SBF2: variants seen among roughly 807,000 people sequenced by gnomAD.
The protein encoded by SBF2 is myotubularin-related protein 13.
In SBF2, 112 loss-of-function variants were observed where a neutral mutation model predicts 225.2. The observed-to-expected ratio is 0.50, with a 90% CI of 0.43 to 0.58. The LOEUF (loss-of-function observed/expected upper bound fraction) is 0.58, where lower values mean the gene tolerates loss of function less well. Ranked by LOEUF, SBF2 falls within the 20% of genes least tolerant of loss-of-function variation. SBF2 has a pLI of 0.00. For missense variants in SBF2, 1,996 were observed against 2,206.2 expected (o/e 0.90, Z 1.91); for synonymous variants, 763 against 773.3 (o/e 0.99, Z 0.22).
At chr11:10,193,547 G>A (rs375510052) in intron 2 of SBF2, among the ~76,000 whole-genome samples, 4 of 151,826 alleles carry the variant, frequency 2.6e-5, no homozygotes, top group African/African-American at 4.8e-5. Context: ...TAGAGACAGC[G>A]TTTCACCGTG....
At chr11:10,175,260 G>C (rs1348731158) in intron 2 of SBF2, among the ~76,000 whole-genome samples, 1 of 151,676 alleles carries the variant, frequency 6.6e-6, no homozygotes, top group Non-Finnish European at 1.5e-5. Flanking sequence ...CTGTATTCAG[G>C]AAACCCATCT....
intron 21 of SBF2, 91 bp from the exon 22 acceptor site, chr11:9,850,309 A>G: frequency 6.1e-6 from 7 of 1,153,614 alleles, no homozygotes; most frequent in Non-Finnish European, 8.9e-6. Flanking sequence ...AGCCTAGAAT[A>G]CAGTAGTGCA....
intron 2 of SBF2, among the ~76,000 whole-genome samples, chr11:10,172,605 G>A (rs138546576): frequency 0.056 from 8,514 of 152,164 alleles, 372 homozygotes; most frequent in Non-Finnish European, 0.078. Context: ...CACCGGCCTC[G>A]GCCTCCCGAA....
At chr11:10,304,274 A>C (rs1340030181) in intron 1 of SBF2, among the ~76,000 whole-genome samples, 2 of 152,224 alleles carry the variant, frequency 1.3e-5, no homozygotes, top group Non-Finnish European at 2.9e-5. Context: ...TTTACGATGG[A>C]TTAATGAAGG....
chr11:10,022,290 T>C (rs1262190732), intron 6 of SBF2, among the ~76,000 whole-genome samples: 1 of 152,140 alleles, frequency 6.6e-6, no homozygotes, highest in African/African-American at 2.4e-5. Context: ...CCTGAAGATA[T>C]TCCAGAATCA....
chr11:9,808,568 A>C (rs1590131721), intron 31 of SBF2: 1 of 409,210 alleles, frequency 2.4e-6, no homozygotes, highest in East Asian at 5.7e-5. Context: ...GAGTGAGTTA[A>C]GGCGGGGCTT....
chr11:9,834,918 A>ACCAT (rs1855640194), intron 26 of SBF2, among the ~76,000 whole-genome samples: 1 of 152,188 alleles, frequency 6.6e-6, no homozygotes, highest in South Asian at 2.1e-4. Flanking sequence ...CTACACACAG[A>ACCAT]CCATCCTCTG....
At chr11:9,865,622 C>T (rs1265020648) in intron 17 of SBF2, among the ~76,000 whole-genome samples, 7 of 125,466 alleles carry the variant, frequency 5.6e-5, no homozygotes, top group East Asian at 2.7e-4. Context: ...ACCTGGGAGG[C>T]GGAGGTTGCA....
intron 16 of SBF2, among the ~76,000 whole-genome samples, chr11:9,916,141 T>C (rs1264913889): frequency 1.3e-5 from 2 of 152,192 alleles, no homozygotes; most frequent in African/African-American, 4.8e-5. Flanking sequence ...GTTGCCTTTA[T>C]AATACTAGCA....
intron 17 of SBF2, among the ~76,000 whole-genome samples, chr11:9,873,009 T>A (rs1388448056): frequency 2.0e-5 from 3 of 151,652 alleles, no homozygotes; most frequent in Non-Finnish European, 2.9e-5. Flanking sequence ...GATCGAGACC[T>A]TCCTGGCTAA....
intron 1 of SBF2, among the ~76,000 whole-genome samples, chr11:10,249,638 T>C (rs576131851): frequency 3.3e-5 from 5 of 152,166 alleles, no homozygotes; most frequent in Non-Finnish European, 5.9e-5. Flanking sequence ...ACATATTTAA[T>C]AAGCTTCCCC....
chr11:9,969,588 C>T (rs1330356450), intron 13 of SBF2, among the ~76,000 whole-genome samples: 19 of 152,200 alleles, frequency 1.2e-4, no homozygotes. Context: ...ACTGTTCTCT[C>T]TGCCTGGAAT....
intron 13 of SBF2, among the ~76,000 whole-genome samples, chr11:9,973,453 C>A (rs193124956): frequency 6.6e-6 from 1 of 152,284 alleles, no homozygotes; most frequent in Admixed American, 6.5e-5. Context: ...AACCTGGCAA[C>A]ATTTTTTTCC....
intron 2 of SBF2, among the ~76,000 whole-genome samples, chr11:10,168,046 A>T (rs1255979446): frequency 6.6e-6 from 1 of 152,128 alleles, no homozygotes; most frequent in African/African-American, 2.4e-5. Flanking sequence ...AAAGTAACAG[A>T]CCACATTCCA....
intron 2 of SBF2, among the ~76,000 whole-genome samples, chr11:10,170,287 T>C (rs1418119195): frequency 2.6e-5 from 4 of 152,194 alleles, no homozygotes; most frequent in African/African-American, 7.2e-5. Context: ...CTTTAATCAA[T>C]TTTGATGTGA....
At chr11:10,059,254 T>C (rs1950351295) in intron 2 of SBF2, among the ~76,000 whole-genome samples, 1 of 152,104 alleles carries the variant, frequency 6.6e-6, no homozygotes, top group African/African-American at 2.4e-5. Context: ...CTCAATGATA[T>C]GTTGTCTTCA....
chr11:10,139,474 A>G (rs1383204329), intron 2 of SBF2, among the ~76,000 whole-genome samples: 14 of 152,242 alleles, frequency 9.2e-5, no homozygotes, highest in Admixed American at 9.2e-4. Flanking sequence ...GCACCAGAAC[A>G]TAATACAGGC....
chr11:10,226,637 T>G (rs1202218835), intron 1 of SBF2, among the ~76,000 whole-genome samples: 1 of 152,226 alleles, frequency 6.6e-6, no homozygotes, highest in Non-Finnish European at 1.5e-5. Context: ...GCTTCATCCA[T>G]GTCCCTACAA....
At chr11:10,194,040 TACTC>T in intron 1 of SBF2, 53 bp from the exon 2 acceptor site, 1 of 1,046,014 alleles carries the variant, frequency 9.6e-7, no homozygotes, top group East Asian at 2.4e-5. Flanking sequence ...AAACTACAAA[TACTC>T]ATTCTACTCT....
Sources: allele counts gnomAD v4.1 joint callset (sites outside exome capture counted in the v4.1 genomes callset), GRCh38; gene constraint gnomAD v4.1.1; transcripts MANE v1.5; gene names NCBI Gene and HGNC (gene_info 2026-07-23, HGNC 2026-07-21).